The following GDPD5 variants were observed in gnomAD, a reference collection of about 807,000 sequenced individuals.
The protein encoded by GDPD5 is glycerophosphodiester phosphodiesterase domain containing 5, also known as glycerophosphodiester phosphodiesterase 2.
A neutral mutation model predicts 75.1 loss-of-function variants in GDPD5; 48 were observed. That is an observed-to-expected ratio of 0.64 (90% confidence interval 0.51 to 0.81). The LOEUF (loss-of-function observed/expected upper bound fraction) is 0.81, where lower values mean the gene tolerates loss of function less well. GDPD5 is among the 40% of genes least tolerant of loss of function. The pLI is 0.00. For missense variants in GDPD5, 706 were observed against 822.6 expected (o/e 0.86, Z 1.73); for synonymous variants, 336 against 339.0 (o/e 0.99, Z 0.10).
chr11:75,492,089 T>C (rs549034), intron 1 of GDPD5, among the ~76,000 whole-genome samples: 104,753 of 152,146 alleles, frequency 0.69, 36,636 homozygotes, highest in East Asian at 0.96. Context: ...CTGTCAGCTC[T>C]GCTGTCAGCC....
At chr11:75,440,074 G>A (rs1372063515) in intron 14 of GDPD5, 113 bp from the exon 15 acceptor site, 27 of 740,166 alleles carry the variant, frequency 3.6e-5, no homozygotes, top group South Asian at 6.8e-5. Context: ...GAAGGGCAAG[G>A]GAGGACCCTG....
intron 3 of GDPD5, among the ~76,000 whole-genome samples, chr11:75,463,384 C>T (rs1380701261): frequency 1.3e-5 from 2 of 152,144 alleles, no homozygotes; most frequent in African/African-American, 4.8e-5. Flanking sequence ...GGAAGAAGTA[C>T]AGAAGTGCCA....
chr11:75,519,435 G>T (rs534110703), intron 1 of GDPD5, among the ~76,000 whole-genome samples: 2 of 152,124 alleles, frequency 1.3e-5, no homozygotes, highest in African/African-American at 4.8e-5. Flanking sequence ...TTCATTCCAC[G>T]GAGCAGCTGC....
intron 1 of GDPD5, among the ~76,000 whole-genome samples, chr11:75,505,678 G>A (rs370343213): frequency 3.3e-5 from 5 of 152,114 alleles, no homozygotes; most frequent in East Asian, 1.9e-4. Flanking sequence ...CCTGCCCCAG[G>A]CGACCTTTAC....
intron 1 of GDPD5, among the ~76,000 whole-genome samples, chr11:75,497,142 T>C (rs1463868521): frequency 6.6e-6 from 1 of 152,032 alleles, no homozygotes; most frequent in Non-Finnish European, 1.5e-5. Flanking sequence ...GTCTCTTGAA[T>C]TCATACTCTT....
At chr11:75,514,636 C>A (rs1242692877) in intron 1 of GDPD5, among the ~76,000 whole-genome samples, 1 of 152,230 alleles carries the variant, frequency 6.6e-6, no homozygotes, top group Non-Finnish European at 1.5e-5. Flanking sequence ...AAAATCAACA[C>A]CTGGTCACCC....
At chr11:75,484,857 G>A (rs1592124789) in intron 2 of GDPD5, among the ~76,000 whole-genome samples, 1 of 152,180 alleles carries the variant, frequency 6.6e-6, no homozygotes, top group East Asian at 1.9e-4. Context: ...GGTCATTGCT[G>A]GGTACTGTGC....
intron 6 of GDPD5, chr11:75,455,355 C>T (rs1949262662): frequency 2.2e-6 from 1 of 456,472 alleles, no homozygotes; most frequent in Non-Finnish European, 4.4e-6. Flanking sequence ...CAGAGGAGGC[C>T]TGTGAGTAGA....
chr11:75,514,943 T>C (rs868757886), intron 1 of GDPD5, among the ~76,000 whole-genome samples: 23 of 152,276 alleles, frequency 1.5e-4, no homozygotes, highest in Middle Eastern at 6.8e-3. Flanking sequence ...CTGCTCTAAT[T>C]TTATAGGTGA....
chr11:75,462,163 T>A (rs1949427703), intron 4 of GDPD5, among the ~76,000 whole-genome samples: 1 of 152,186 alleles, frequency 6.6e-6, no homozygotes. Flanking sequence ...AGATTTCTTG[T>A]ATACAAAGGG....
chr11:75,467,670 C>A (rs1341069461), intron 3 of GDPD5, among the ~76,000 whole-genome samples: 1 of 152,012 alleles, frequency 6.6e-6, no homozygotes, highest in Non-Finnish European at 1.5e-5. Context: ...GCAGGAGTGG[C>A]CCCTGGCTGT....
rs1948602051 is a variant in GDPD5, at chr11:75,435,516, A to G, written c.1809T>C (p.Ser603=). The G allele has an allele frequency of 6.2e-7, 1 of 1,605,126 alleles. No homozygotes were observed. Among genetic ancestry groups the G allele is most frequent in the Non-Finnish European group, 8.5e-7 (1 of 1,175,906 alleles). The change falls in exon 17 of 17, where the codon AGT becomes AGC. Residue 603 remains serine (S), a synonymous_variant. Transcript: ENST00000336898. ...ACAGACATGTCTTCAGCTAACGCCCACTCCGCTCTATGAGGGTCTTGGTGT... is the reference window on the plus strand; with the variant it reads ...ACAGACATGTCTTCAGCTAACGCCCGCTCCGCTCTATGAGGGTCTTGGTGT... The part of the protein sequence containing the change: ...GSHTKTLIER[S]GR
intron 1 of GDPD5, among the ~76,000 whole-genome samples, chr11:75,496,587 C>A (rs1950212892): frequency 1.3e-5 from 2 of 152,086 alleles, no homozygotes; most frequent in Non-Finnish European, 1.5e-5. Flanking sequence ...GTAACAGGGG[C>A]CAGACCCCAT....
intron 4 of GDPD5, among the ~76,000 whole-genome samples, chr11:75,458,882 A>G (rs1300149535): frequency 6.6e-6 from 1 of 152,070 alleles, no homozygotes; most frequent in Non-Finnish European, 1.5e-5. Context: ...TCCTGGGCTC[A>G]AGCAATCCTC....
intron 2 of GDPD5, among the ~76,000 whole-genome samples, chr11:75,480,129 G>A (rs1340325938): frequency 6.6e-6 from 1 of 152,128 alleles, no homozygotes; most frequent in Non-Finnish European, 1.5e-5. Context: ...GAGGTCAGGA[G>A]TTCGAGACCA....
intron 2 of GDPD5, among the ~76,000 whole-genome samples, chr11:75,487,669 G>A (rs1487545250): frequency 6.6e-6 from 1 of 152,246 alleles, no homozygotes; most frequent in Non-Finnish European, 1.5e-5. Context: ...GGAGGAGGCT[G>A]GCAGGGCCCA....
chr11:75,506,103 T>A (rs1469777834), intron 1 of GDPD5, among the ~76,000 whole-genome samples: 1 of 152,192 alleles, frequency 6.6e-6, no homozygotes. Flanking sequence ...GGGTCAGATA[T>A]GGCAAGAGCA....
intron 16 of GDPD5, among the ~76,000 whole-genome samples, chr11:75,436,469 T>TCCCGCCC (rs1948627847): frequency 2.1e-5 from 2 of 94,878 alleles, no homozygotes. Context: ...GACCACGTCC[T>TCCCGCCC]CCCGCCCCCC....
At chr11:75,502,756 C>T (rs1321119327) in intron 1 of GDPD5, among the ~76,000 whole-genome samples, 2 of 152,188 alleles carry the variant, frequency 1.3e-5, no homozygotes, top group African/African-American at 4.8e-5. Flanking sequence ...CTACTAGAGC[C>T]CTGCACCACC....
Sources: allele counts gnomAD v4.1 joint callset (sites outside exome capture counted in the v4.1 genomes callset), GRCh38; gene constraint gnomAD v4.1.1; transcripts MANE v1.5; gene names NCBI Gene and HGNC (gene_info 2026-07-23, HGNC 2026-07-21).